CNTN5: variants seen among roughly 807,000 people sequenced by gnomAD.
The protein encoded by CNTN5 is contactin 5.
A neutral mutation model predicts 129.1 loss-of-function variants in CNTN5; 77 were observed. The ratio of observed to expected loss-of-function variants is 0.60; its 90% CI spans 0.50 to 0.72. The LOEUF (loss-of-function observed/expected upper bound fraction) is 0.72. CNTN5 is among the 30% of genes least tolerant of loss of function. The pLI is 0.00. For synonymous variants in CNTN5, 509 were observed against 465.6 expected (o/e 1.09, Z -1.20); for missense variants, 1,478 against 1,328.8 (o/e 1.11, Z -1.75).
chr11:99,260,112 T>G (rs1416638783), intron 1 of CNTN5, among the ~76,000 whole-genome samples: 1 of 151,850 alleles, frequency 6.6e-6, no homozygotes, highest in African/African-American at 2.4e-5. Flanking sequence ...GTTTTAAATC[T>G]GTATGTAGTC....
At chr11:100,276,571 T>G (rs548600492) in intron 18 of CNTN5, among the ~76,000 whole-genome samples, 1 of 147,146 alleles carries the variant, frequency 6.8e-6, no homozygotes, top group Non-Finnish European at 1.5e-5. Flanking sequence ...ACACTCTTGA[T>G]AGTCAGCAAA....
intron 15 of CNTN5, among the ~76,000 whole-genome samples, chr11:100,210,631 G>A (rs1004897883): frequency 4.6e-5 from 7 of 152,122 alleles, no homozygotes; most frequent in South Asian, 2.1e-4. Context: ...GATTACATTA[G>A]GCAGTTTTGC....
chr11:99,125,344 T>TAAA (rs34985933), intron 1 of CNTN5, among the ~76,000 whole-genome samples: 54,148 of 149,130 alleles, frequency 0.36, 10,044 homozygotes, highest in East Asian at 0.6. Context: ...TCAACAGAAC[T>TAAA]AAAAAAAAAA....
Position 99,048,605 on chromosome 11 carries a change from G to T in CNTN5, c.-210+27335G>T, listed in dbSNP as rs1329643074. Among the ~76,000 whole-genome samples, 4 of 151,976 alleles carry T rather than the reference G, an allele frequency of 2.6e-5. No homozygotes were observed. In the East Asian group the frequency reaches 5.8e-4, roughly 22 times the overall value. ...TTTTCACCTGAAGTGTATTTTTCTGGTGCCTTTCTAAGTCATAGTGCATCA... is the reference window on the plus strand; with the variant it reads ...TTTTCACCTGAAGTGTATTTTTCTGTTGCCTTTCTAAGTCATAGTGCATCA... On this transcript the variant is annotated intron_variant, in intron 1 of 24. Transcript: ENST00000524871.
Position 99,220,309 on chromosome 11 carries a change from A to G in CNTN5, c.-209-105037A>G, listed in dbSNP as rs563849382. ...AGTTCCTGTGCTTTGCCATTGTAAT[A>G]CAGATGTTAAAAATAAAAACACTGA... On this transcript the variant is annotated intron_variant, in intron 1 of 24. Transcript: ENST00000524871. Among the ~76,000 whole-genome samples the G allele has an allele frequency of 1.5e-4, 23 of 152,166 alleles. 1 individual carries two copies. In the South Asian group the frequency reaches 4.8e-3, roughly 32 times the overall value.
chr11:99,846,962 A>G (rs1174363753), intron 6 of CNTN5, among the ~76,000 whole-genome samples: 8 of 152,214 alleles, frequency 5.3e-5, no homozygotes, highest in Non-Finnish European at 4.4e-5. Context: ...ACAGAACCTA[A>G]TACTTTACAT....
At chr11:99,664,960 T>A (rs623281) in intron 3 of CNTN5, among the ~76,000 whole-genome samples, 1 of 151,948 alleles carries the variant, frequency 6.6e-6, no homozygotes, top group African/African-American at 2.4e-5. Context: ...GCACTAAAGC[T>A]GCTTTATCAG....
chr11:99,982,523 A>T (rs1938411678), intron 8 of CNTN5, among the ~76,000 whole-genome samples: 1 of 152,220 alleles, frequency 6.6e-6, no homozygotes, highest in Non-Finnish European at 1.5e-5. Context: ...AATACTGAAA[A>T]GAATACAGGT....
At chr11:99,549,373 G>A (rs1253559219) in intron 2 of CNTN5, among the ~76,000 whole-genome samples, 1 of 151,998 alleles carries the variant, frequency 6.6e-6, no homozygotes, top group African/African-American at 2.4e-5. Context: ...TAGACATATG[G>A]ATTCTCCTAT....
intron 1 of CNTN5, among the ~76,000 whole-genome samples, chr11:99,036,915 A>T (rs1297986961): frequency 6.6e-6 from 1 of 152,166 alleles, no homozygotes; most frequent in Non-Finnish European, 1.5e-5. Flanking sequence ...GTCCCTTTAC[A>T]TATTAACAGA....
At chr11:100,313,387 G>C (rs1951511028) in intron 21 of CNTN5, among the ~76,000 whole-genome samples, 1 of 149,700 alleles carries the variant, frequency 6.7e-6, no homozygotes, top group South Asian at 2.1e-4. Flanking sequence ...TGATGTGGAG[G>C]AAAGAGAAAT....
intron 9 of CNTN5, among the ~76,000 whole-genome samples, chr11:100,040,909 G>A (rs1189678659): frequency 1.3e-5 from 2 of 152,176 alleles, no homozygotes; most frequent in African/African-American, 4.8e-5. Flanking sequence ...GGAATTCCCT[G>A]ACCCCTTGTG....
intron 15 of CNTN5, among the ~76,000 whole-genome samples, chr11:100,211,421 G>C (rs1336969567): frequency 6.6e-6 from 1 of 151,792 alleles, no homozygotes; most frequent in African/African-American, 2.4e-5. Flanking sequence ...CAACGGAATT[G>C]AGCTATAGAT....
intron 1 of CNTN5, among the ~76,000 whole-genome samples, chr11:99,267,720 A>T (rs1862969385): frequency 6.6e-6 from 1 of 152,064 alleles, no homozygotes; most frequent in Non-Finnish European, 1.5e-5. Context: ...TAAGTGAATA[A>T]GCATCCATTT....
chr11:99,414,983 C>T (rs952192859), intron 2 of CNTN5, among the ~76,000 whole-genome samples: 1 of 152,082 alleles, frequency 6.6e-6, no homozygotes, highest in African/African-American at 2.4e-5. Flanking sequence ...TAAGAAAACT[C>T]CAGTAAAACA....
At chr11:99,050,905 A>G (rs1864401159) in intron 1 of CNTN5, among the ~76,000 whole-genome samples, 1 of 151,942 alleles carries the variant, frequency 6.6e-6, no homozygotes, top group African/African-American at 2.4e-5. Flanking sequence ...ATTATTATGT[A>G]TGTTACTATT....
chr11:99,492,105 T>C (rs957974788), intron 2 of CNTN5, among the ~76,000 whole-genome samples: 1 of 152,110 alleles, frequency 6.6e-6, no homozygotes, highest in Non-Finnish European at 1.5e-5. Context: ...GAGCCATCTG[T>C]TGGGTTCACG....
At chr11:99,443,211 G>T (rs755466143) in intron 2 of CNTN5, among the ~76,000 whole-genome samples, 5 of 152,188 alleles carry the variant, frequency 3.3e-5, no homozygotes, top group Non-Finnish European at 7.4e-5. Context: ...CTATCAAAAT[G>T]CTCAGACAAA....
chr11:100,204,917 C>G (rs894336444), intron 15 of CNTN5, among the ~76,000 whole-genome samples: 1 of 151,450 alleles, frequency 6.6e-6, no homozygotes, highest in Non-Finnish European at 1.5e-5. Context: ...TGATGAAATG[C>G]GTAATATAAT....
Sources: gnomAD v4.1 joint callset for allele counts (sites outside exome capture counted in the v4.1 genomes callset) on GRCh38, gnomAD v4.1.1 for gene constraint, MANE v1.5 for transcripts, NCBI Gene and HGNC (gene_info 2026-07-23, HGNC 2026-07-21) for gene names.